The following CSMD1 variants were observed in gnomAD, a reference collection of about 807,000 sequenced individuals.
The protein encoded by CSMD1 is CUB and sushi domain-containing protein 1.
Under a neutral mutation model 417.5 loss-of-function variants are expected in CSMD1, and 213 were observed. The ratio of observed to expected loss-of-function variants is 0.51; its 90% CI spans 0.46 to 0.57. The LOEUF (loss-of-function observed/expected upper bound fraction) is 0.57. CSMD1 is among the 20% of genes least tolerant of loss of function. CSMD1 has a pLI of 0.00. For synonymous variants in CSMD1, 2,862 were observed against 1,736.8 expected, an observed-to-expected ratio of 1.65 and a Z score of -16.11; for missense variants, 6,923 against 4,529.7, an observed-to-expected ratio of 1.53 and a Z score of -15.17.
chr8:3,312,685 C>T (rs575910741), intron 23 of CSMD1, among the ~76,000 whole-genome samples: 1 of 152,288 alleles, frequency 6.6e-6, no homozygotes, highest in East Asian at 1.9e-4. Flanking sequence ...GAAGCTTCTA[C>T]TTCGTGTCAC....
At chr8:4,707,650 G>A (rs1388716116) in intron 1 of CSMD1, among the ~76,000 whole-genome samples, 1 of 151,910 alleles carries the variant, frequency 6.6e-6, no homozygotes, top group East Asian at 1.9e-4. Context: ...ACTTTGGGAG[G>A]CCGAGGCGGG....
intron 5 of CSMD1, among the ~76,000 whole-genome samples, chr8:3,990,387 T>C (rs914553811): frequency 6.6e-6 from 1 of 152,116 alleles, no homozygotes; most frequent in Non-Finnish European, 1.5e-5. Flanking sequence ...GCCCTAAGAA[T>C]GGTAAGGATG....
intron 10 of CSMD1, among the ~76,000 whole-genome samples, chr8:3,558,127 C>G (rs1825180): frequency 1.4e-5 from 2 of 147,402 alleles, no homozygotes; most frequent in Non-Finnish European, 3.0e-5. Flanking sequence ...CAATGGTACC[C>G]CGTGTCCACT....
chr8:3,023,631 G>C (rs74328161), intron 51 of CSMD1, among the ~76,000 whole-genome samples: 2,346 of 152,220 alleles, frequency 0.015, 20 homozygotes, highest in East Asian at 0.038. Flanking sequence ...CCTGGAGTTA[G>C]AACAGCACAA....
chr8:3,941,101 T>C (rs865866369), intron 5 of CSMD1, among the ~76,000 whole-genome samples: 1 of 152,070 alleles, frequency 6.6e-6, no homozygotes, highest in Non-Finnish European at 1.5e-5. Context: ...TTATCATTTA[T>C]GCTAGAAAAT....
chr8:3,822,767 G>A (rs1263158993), intron 5 of CSMD1, among the ~76,000 whole-genome samples: 27 of 152,130 alleles, frequency 1.8e-4, no homozygotes, highest in Non-Finnish European at 2.9e-5. Flanking sequence ...GGTTTGTTGA[G>A]AATAAAGAGA....
At chr8:3,115,686 ATAAAG>A (rs1208730764) in intron 42 of CSMD1, among the ~76,000 whole-genome samples, 1 of 152,246 alleles carries the variant, frequency 6.6e-6, no homozygotes, top group East Asian at 1.9e-4. Flanking sequence ...TATTAATTTC[ATAAAG>A]TAGATTCTTA....
In CSMD1 at chr8:3,543,638, G is replaced by GAAA. The variant is rs113548867; in HGVS notation, c.1344+31304_1344+31306dup. ...ATAATAATTTTCAGCCTAAATAACTGAAAAAAAAAAAGAATTGCCATTTTC... is the reference window on the plus strand; with the variant it reads ...ATAATAATTTTCAGCCTAAATAACTGAAAAAAAAAAAAAAGAATTGCCATTTTC... On this transcript the variant is annotated intron_variant, in intron 10 of 69. Transcript: ENST00000635120. Among the ~76,000 whole-genome samples, 37 of 144,364 alleles carry GAAA rather than the reference G, an allele frequency of 2.6e-4. 1 individual carries two copies. The highest frequency in any genetic ancestry group is 9.0e-4 in the African/African-American group (36 of 39,802). 94.7% of individuals were successfully genotyped at this position (144,364 alleles called of 152,430 possible).
intron 2 of CSMD1, among the ~76,000 whole-genome samples, chr8:4,548,197 G>A (rs1797716025): frequency 6.6e-6 from 1 of 152,152 alleles, no homozygotes; most frequent in Non-Finnish European, 1.5e-5. Context: ...GCCTAACATA[G>A]CGCCGTCAAA....
At chr8:3,546,230 G>C (rs188318612) in intron 10 of CSMD1, among the ~76,000 whole-genome samples, 91 of 151,986 alleles carry the variant, frequency 6.0e-4, no homozygotes, top group African/African-American at 2.1e-3. Context: ...TATGCAGATA[G>C]TGCCCTCAAT....
intron 1 of CSMD1, among the ~76,000 whole-genome samples, chr8:4,821,900 G>A (rs958269526): frequency 1.4e-4 from 21 of 152,088 alleles, no homozygotes; most frequent in South Asian, 1.2e-3. Context: ...TAAAATGTGT[G>A]TAATCACATT....
chr8:4,923,353 G>A (rs1044781108), intron 1 of CSMD1, among the ~76,000 whole-genome samples: 2 of 151,932 alleles, frequency 1.3e-5, no homozygotes, highest in Admixed American at 6.6e-5. Flanking sequence ...CTTCTTAAAG[G>A]GTTGGCATAC....
At chr8:3,725,942 C>CGCAA (rs911958219) in intron 6 of CSMD1, among the ~76,000 whole-genome samples, 2 of 152,154 alleles carry the variant, frequency 1.3e-5, no homozygotes, top group Admixed American at 6.5e-5. Flanking sequence ...CCTAATGACT[C>CGCAA]GCAAGCAATG....
chr8:3,993,459 A>G (rs750542732), intron 5 of CSMD1, among the ~76,000 whole-genome samples: 8 of 152,196 alleles, frequency 5.3e-5, no homozygotes, highest in Admixed American at 5.2e-4. Context: ...GTTCTTTGAA[A>G]TTCACTCAGC....
chr8:4,844,609 A>G (rs900655853), intron 1 of CSMD1, among the ~76,000 whole-genome samples: 3 of 152,228 alleles, frequency 2.0e-5, no homozygotes, highest in East Asian at 1.9e-4. Context: ...CTGTAACTCC[A>G]TTTAATAAGC....
At chr8:4,592,005 C>T (rs926963423) in intron 2 of CSMD1, among the ~76,000 whole-genome samples, 1 of 152,098 alleles carries the variant, frequency 6.6e-6, no homozygotes, top group Non-Finnish European at 1.5e-5. Context: ...GCAGGTCATG[C>T]AATGCGGCCA....
chr8:2,973,411 T>A, intron 56 of CSMD1, 112 bp from the exon 57 acceptor site: 1 of 1,039,084 alleles, frequency 9.6e-7, no homozygotes, highest in Non-Finnish European at 1.4e-6. Context: ...TTCACATGAG[T>A]TATGGTTACA....
At chr8:3,823,830 T>C (rs1359168416) in intron 5 of CSMD1, among the ~76,000 whole-genome samples, 1 of 152,184 alleles carries the variant, frequency 6.6e-6, no homozygotes, top group Non-Finnish European at 1.5e-5. Flanking sequence ...ATAAAGATGG[T>C]AATTTAAAAA....
At chr8:4,103,146 T>G (rs983054873) in intron 3 of CSMD1, among the ~76,000 whole-genome samples, 1 of 152,128 alleles carries the variant, frequency 6.6e-6, no homozygotes, top group Non-Finnish European at 1.5e-5. Context: ...TTTTGCAAAG[T>G]AGCCACAACT....
Sources: gnomAD v4.1 joint callset for allele counts (sites outside exome capture counted in the v4.1 genomes callset) on GRCh38, gnomAD v4.1.1 for gene constraint, MANE v1.5 for transcripts, NCBI Gene and HGNC (gene_info 2026-07-23, HGNC 2026-07-21) for gene names.